The following CNTN5 variants were observed in gnomAD, a reference collection of about 807,000 sequenced individuals.
CNTN5 encodes contactin-5.
CNTN5 carries 77 observed loss-of-function variants against 129.1 expected under a neutral mutation model. The observed-to-expected ratio is 0.60, with a 90% CI of 0.50 to 0.72. The LOEUF (loss-of-function observed/expected upper bound fraction) is 0.72. CNTN5 is among the 30% of genes least tolerant of loss of function. CNTN5 has a pLI of 0.00. For synonymous variants in CNTN5, 509 were observed against 465.6 expected (o/e 1.09, Z -1.20); for missense variants, 1,478 against 1,328.8 (o/e 1.11, Z -1.75).
intron 2 of CNTN5, among the ~76,000 whole-genome samples, chr11:99,466,442 A>G (rs951845452): frequency 8.5e-5 from 13 of 152,098 alleles, no homozygotes; most frequent in African/African-American, 3.1e-4. Flanking sequence ...TTCTTTTTTC[A>G]GAACCCCATG....
chr11:99,087,286 C>G (rs1209293147), intron 1 of CNTN5, among the ~76,000 whole-genome samples: 1 of 152,168 alleles, frequency 6.6e-6, no homozygotes, highest in South Asian at 2.1e-4. Flanking sequence ...AGCTGCAATT[C>G]AACCTCAGGT....
chr11:99,852,441 T>G (rs986723230), intron 6 of CNTN5, among the ~76,000 whole-genome samples: 6 of 152,228 alleles, frequency 3.9e-5, no homozygotes, highest in African/African-American at 1.4e-4. Flanking sequence ...TCTTCCAAAA[T>G]GCTGGGATTA....
intron 2 of CNTN5, among the ~76,000 whole-genome samples, chr11:99,335,774 C>T (rs1017667129): frequency 2.0e-5 from 3 of 152,076 alleles, no homozygotes; most frequent in East Asian, 3.9e-4. Context: ...TCAAGCTGCC[C>T]TGTACTTGGT....
At chr11:99,935,714 T>G (rs1950301399) in intron 7 of CNTN5, among the ~76,000 whole-genome samples, 1 of 151,742 alleles carries the variant, frequency 6.6e-6, no homozygotes, top group African/African-American at 2.4e-5. Flanking sequence ...CAAACTGTCT[T>G]TCAAAAAGAG....
intron 1 of CNTN5, among the ~76,000 whole-genome samples, chr11:99,310,289 A>C (rs1865053822): frequency 1.3e-5 from 2 of 152,134 alleles, no homozygotes; most frequent in African/African-American, 4.8e-5. Flanking sequence ...AATAGTGAAA[A>C]TTTTTCAACT....
intron 2 of CNTN5, among the ~76,000 whole-genome samples, chr11:99,538,288 A>T (rs1292516076): frequency 1.3e-5 from 2 of 152,144 alleles, no homozygotes; most frequent in Non-Finnish European, 2.9e-5. Flanking sequence ...GAAGCAGCAC[A>T]CGTTCTATTT....
At chr11:99,565,555 C>T (rs141286156) in intron 3 of CNTN5, among the ~76,000 whole-genome samples, 1 of 152,134 alleles carries the variant, frequency 6.6e-6, no homozygotes, top group African/African-American at 2.4e-5. Flanking sequence ...AACCTTGTCC[C>T]TTGCTATTTT....
chr11:99,195,703 A>G (rs1014663859), intron 1 of CNTN5, among the ~76,000 whole-genome samples: 1 of 152,072 alleles, frequency 6.6e-6, no homozygotes, highest in Non-Finnish European at 1.5e-5. Context: ...TTACAAATTC[A>G]TAATTAATTT....
chr11:99,347,884 T>C (rs1198733126), intron 2 of CNTN5, among the ~76,000 whole-genome samples: 1 of 152,264 alleles, frequency 6.6e-6, no homozygotes, highest in Non-Finnish European at 1.5e-5. Flanking sequence ...AAATAAGTTT[T>C]GTATATTACT....
intron 3 of CNTN5, among the ~76,000 whole-genome samples, chr11:99,815,159 T>C (rs1946543362): frequency 6.6e-6 from 1 of 151,200 alleles, no homozygotes; most frequent in Non-Finnish European, 1.5e-5. Flanking sequence ...TCTAACCATA[T>C]TAAATAATAT....
chr11:99,993,703 C>T (rs956639981), intron 8 of CNTN5, among the ~76,000 whole-genome samples: 7 of 152,118 alleles, frequency 4.6e-5, no homozygotes, highest in South Asian at 2.1e-4. Flanking sequence ...TGGTTCCTAA[C>T]AGGCCACAGA....
chr11:100,052,302 C>T (rs901957097), intron 9 of CNTN5, among the ~76,000 whole-genome samples: 2 of 151,674 alleles, frequency 1.3e-5, no homozygotes, highest in East Asian at 3.9e-4. Flanking sequence ...TTTCCCCTTT[C>T]CTTTTATCAC....
At chr11:99,525,196 C>T (rs533373566) in intron 2 of CNTN5, among the ~76,000 whole-genome samples, 1 of 151,872 alleles carries the variant, frequency 6.6e-6, no homozygotes, top group Admixed American at 6.6e-5. Flanking sequence ...ATATTATAAA[C>T]TTTAAAGCAA....
At chr11:99,415,063 C>A (rs76270363) in intron 2 of CNTN5, among the ~76,000 whole-genome samples, 2 of 152,170 alleles carry the variant, frequency 1.3e-5, no homozygotes, top group Admixed American at 6.5e-5. Flanking sequence ...TGCTAAAACA[C>A]ACTCTTTGGA....
At position 100,309,486 on chromosome 11, in the gene CNTN5, A is replaced by C. The variant is rs547076562; in HGVS notation, c.2730+1018A>C. The C allele has an allele frequency of 4.9e-4, 470 of 968,286 alleles. 4 individuals carry two copies. The African/African-American group carries it at 7.7e-3, about 16-fold the overall frequency. The allele number at this position is 968,286 out of a possible 1,614,324, so 60.0% of individuals were successfully genotyped here. On this transcript the variant is annotated intron_variant, in intron 21 of 24. Coordinates refer to ENST00000524871, the MANE Select transcript of CNTN5 (RefSeq NM_014361.4). ...TTATGGGAAACCATTACCTACTTAT[A>C]CAATATCATGGACTTATTTCTACAA...
chr11:99,717,947 C>G (rs1322051348), intron 3 of CNTN5, among the ~76,000 whole-genome samples: 4 of 152,098 alleles, frequency 2.6e-5, no homozygotes, highest in African/African-American at 4.8e-5. Context: ...TTAGCACCCC[C>G]CTAAAACCTT....
chr11:99,243,621 CTT>C (rs1316681415), intron 1 of CNTN5, among the ~76,000 whole-genome samples: 1 of 151,784 alleles, frequency 6.6e-6, no homozygotes, highest in Non-Finnish European at 1.5e-5. Flanking sequence ...TTTAATCTAT[CTT>C]GACTTAATTT....
At chr11:99,745,897 G>A (rs957335072) in intron 3 of CNTN5, among the ~76,000 whole-genome samples, 1 of 152,074 alleles carries the variant, frequency 6.6e-6, no homozygotes, top group Non-Finnish European at 1.5e-5. Flanking sequence ...TGAAAGAATA[G>A]GGCTATACTC....
intron 3 of CNTN5, among the ~76,000 whole-genome samples, chr11:99,637,921 T>G (rs1239368831): frequency 1.3e-5 from 2 of 152,126 alleles, no homozygotes; most frequent in Non-Finnish European, 2.9e-5. Flanking sequence ...TCATGTTAAG[T>G]GTTAAGAGGG....
Sources: gnomAD v4.1 joint callset for allele counts (sites outside exome capture counted in the v4.1 genomes callset) on GRCh38, gnomAD v4.1.1 for gene constraint, MANE v1.5 for transcripts, NCBI Gene and HGNC (gene_info 2026-07-23, HGNC 2026-07-21) for gene names.